The following GSDME variants were observed in gnomAD, a reference collection of about 807,000 sequenced individuals.
The protein encoded by GSDME is gasdermin E, also known as gasdermin-E.
Under a neutral mutation model 47.5 loss-of-function variants are expected in GSDME, and 44 were observed. The observed-to-expected ratio is 0.93, with a 90% CI of 0.73 to 1.19. GSDME has a LOEUF of 1.19. Ranked by LOEUF, GSDME falls within the 50% of genes most tolerant of loss-of-function variation. The probability of loss-of-function intolerance (pLI) is 0.00; values close to 1 mark genes in which losing one functional copy is unlikely to be tolerated. For missense variants in GSDME, 663 were observed against 604.2 expected, an observed-to-expected ratio of 1.10 and a Z score of -1.02; for synonymous variants, 258 against 252.8, an observed-to-expected ratio of 1.02 and a Z score of -0.20.
Position 24,713,000 on chromosome 7 carries a change from A to G in GSDME, c.698-2612T>C, listed in dbSNP as rs1789413848. Among the ~76,000 whole-genome samples, 6 of 151,424 alleles carry G rather than the reference A, an allele frequency of 4.0e-5. No individual in the cohort carries two copies. The highest frequency in any genetic ancestry group is 1.5e-4 in the African/African-American group (6 of 41,170). The stretch of plus-strand genomic sequence containing the variant: ...ACCATTGTACTCCAGCCTGGGCAAC[A>G]AGAGTGAAACTCAGTCTCAAAAAAA... On this transcript the variant is annotated intron_variant, in intron 5 of 9. Transcript: ENST00000645220. This position sits in a 1 kb window ranked among gnomAD's most constrained non-coding sequence, Gnocchi z 4.4.
chr7:24,760,051 A>G (rs1791144220), upstream of GSDME, among the ~76,000 whole-genome samples: 1 of 152,230 alleles, frequency 6.6e-6, no homozygotes, highest in African/African-American at 2.4e-5. The surrounding 1 kb of genome is among the most constrained non-coding windows in gnomAD (Gnocchi z 4.2). Flanking sequence ...ATGGAGGGCT[A>G]TGGAAAGAAA....
chr7:24,705,366 C>T lies in GSDME; in HGVS notation c.1183+818G>A, dbSNP rs1427147866. 6.6e-6 allele frequency: 1 copy of T among 152,456 alleles called. No homozygotes were observed. The allele number at this position is 152,456 out of a possible 1,614,324, so 9.4% of individuals were successfully genotyped here. On this transcript the variant is annotated intron_variant, in intron 8 of 9. Coordinates refer to ENST00000645220, the MANE Select transcript of GSDME (RefSeq NM_001127453.2). This position sits in a 1 kb window ranked among gnomAD's most constrained non-coding sequence, Gnocchi z 4.1. Reference sequence around the variant, plus strand: ...AGCACATAGAGTTGGGACAGGCATTCTCTCAGATTAATTCTTTAAAAACTG... The same window carrying T: ...AGCACATAGAGTTGGGACAGGCATTTTCTCAGATTAATTCTTTAAAAACTG...
chr7:24,717,087 C>T, intron 5 of GSDME, 167 bp downstream of exon 5: 1 of 720,934 alleles, frequency 1.4e-6, no homozygotes, highest in Non-Finnish European at 2.3e-6. Flanking sequence ...CCAGTGCAGC[C>T]CATGTGTCCA....
intron 3 of GSDME, among the ~76,000 whole-genome samples, chr7:24,720,111 G>A (rs1312429923): frequency 3.3e-5 from 5 of 152,206 alleles, no homozygotes; most frequent in Non-Finnish European, 5.9e-5. Context: ...GGAAACTGAG[G>A]CTGGTTATGC....
At position 24,728,329 on chromosome 7, in the gene GSDME, T is replaced by A. The variant is rs1289247961; in HGVS notation, c.405-9111A>T. 2.6e-5 allele frequency among the ~76,000 whole-genome samples: 4 copies of A among 152,216 alleles called. No individual in the cohort carries two copies. The highest frequency in any genetic ancestry group is 9.7e-5 in the African/African-American group (4 of 41,448). ...GGCCCACAGAGCCACCGAACTGACCTTCTGCCGTTAACCATTCAGTCAACC... is the reference window on the plus strand; with the variant it reads ...GGCCCACAGAGCCACCGAACTGACCATCTGCCGTTAACCATTCAGTCAACC... On this transcript the variant is annotated intron_variant, in intron 3 of 9. Transcript: ENST00000645220. This position sits in a 1 kb window ranked among gnomAD's most constrained non-coding sequence, Gnocchi z 7.2.
intron 3 of GSDME, among the ~76,000 whole-genome samples, chr7:24,738,817 G>C (rs1790392390): frequency 1.3e-5 from 2 of 152,126 alleles, no homozygotes; most frequent in Admixed American, 6.6e-5. Flanking sequence ...GGAGAATCCG[G>C]AAACAAATCC....
chr7:24,719,163 C>T lies in GSDME; in HGVS notation c.460G>A (p.Val154Ile). 1 of 1,613,860 alleles carries T rather than the reference C, an allele frequency of 6.2e-7. No homozygotes were observed. Among genetic ancestry groups the T allele is most frequent in the South Asian group, 1.1e-5 (1 of 91,086 alleles). ...LQQVLEGRNE[V>I]LCVLTQKITT... ...ATCTTCTGTGTCAAAACGCACAGGA[C>T]CTCATTCCTTCCTTCCAGCACCTGC... Residue 154 changes from valine to isoleucine, a missense_variant, in exon 4 of 10, where the codon GTC becomes ATC. Val to Ile is a conservative substitution (Grantham distance 29). Coordinates refer to ENST00000645220, the MANE Select transcript of GSDME (RefSeq NM_001127453.2).
At position 24,710,298 on chromosome 7, in the gene GSDME, A is replaced by G. The variant is rs753892318; in HGVS notation, c.788T>C (p.Phe263Ser). The G allele has an allele frequency of 3.7e-6, 6 of 1,614,256 alleles. No individual in the cohort carries two copies. Among genetic ancestry groups the G allele is most frequent in the South Asian group, 3.3e-5 (3 of 91,086 alleles). ...VYLDPLVFRE[F>S]AFIDMPDAAH... ...AGCATCTGGCATGTCTATGAATGCA[A>G]ACTCTCGAAAGACCAGGGGGTCCAG... Residue 263 changes from phenylalanine (F) to serine (S), a missense_variant, in exon 6 of 10, where the codon TTT (phenylalanine) becomes TCT (serine). By Grantham distance (155) the Phe-to-Ser change is radical. Transcript: ENST00000645220.
intron 7 of GSDME, chr7:24,707,677 G>A (rs895229725): frequency 1.6e-5 from 5 of 313,760 alleles, no homozygotes; most frequent in Admixed American, 5.0e-5. Flanking sequence ...AGACAGTAAA[G>A]GAGAAGACAC....
In GSDME at chr7:24,706,253, GACACCCACCCTGT is replaced by G; in HGVS notation, c.1101_1113del (p.Leu367PhefsTer14). ...TTGCTGCCTGCATCCTCGGGGCCCGGACACCCACCCTGTAAGCTGCACCCCACCAGCTGCAGGA... is the reference window on the plus strand; with the variant it reads ...TTGCTGCCTGCATCCTCGGGGCCCGGAAGCTGCACCCCACCAGCTGCAGGA... On this transcript the variant is annotated frameshift_variant, in exon 8 of 10. Coordinates refer to ENST00000645220, the MANE Select transcript of GSDME (RefSeq NM_001127453.2). LOFTEE classifies it high-confidence loss of function. 6.2e-7 allele frequency: 1 copy of G among 1,614,200 alleles called. No individual in the cohort carries two copies. Among genetic ancestry groups the G allele is most frequent in the Non-Finnish European group, 8.5e-7 (1 of 1,180,036 alleles).
chr7:24,761,474 T>C (rs1452979943), upstream of GSDME, among the ~76,000 whole-genome samples: 1 of 152,230 alleles, frequency 6.6e-6, no homozygotes, highest in African/African-American at 2.4e-5. The surrounding 1 kb of genome is among the most constrained non-coding windows in gnomAD (Gnocchi z 4.4). Context: ...AACAAGTCCC[T>C]AAGTCTCTTA....
intron 5 of GSDME, 101 bp downstream of exon 5, chr7:24,717,153 C>T: frequency 8.7e-7 from 1 of 1,146,096 alleles, no homozygotes; most frequent in Non-Finnish European, 1.2e-6. Context: ...TCTCTTCCCA[C>T]AGTCTCCAAA....
rs542961877 is a variant in GSDME at position 24,718,960 on chromosome 7, C to T, written c.576+87G>A. The T allele has an allele frequency of 6.8e-5, 98 of 1,443,318 alleles. 2 individuals carry two copies. The South Asian group carries it at 1.1e-3, about 16-fold the overall frequency. 89.4% of individuals were successfully genotyped at this position (1,443,318 alleles called of 1,614,324 possible). On this transcript the variant is annotated intron_variant, in intron 4 of 9. Coordinates refer to ENST00000645220, the MANE Select transcript of GSDME (RefSeq NM_001127453.2). Reference sequence around the variant, plus strand: ...TAACTTGCTACGGAAAGAGTCCTGACTAATGAAGACACCACCCAAAGAGGC... The same window carrying T: ...TAACTTGCTACGGAAAGAGTCCTGATTAATGAAGACACCACCCAAAGAGGC...
chr7:24,774,678 G>T, the GSDME span, among the ~76,000 whole-genome samples: 5 of 152,048 alleles, frequency 3.3e-5, no homozygotes, highest in East Asian at 9.7e-4. Flanking sequence ...GATTACAGGC[G>T]CATGCCACCA....
chr7:24,699,525 A>AGAT (rs1304460665), intron 9 of GSDME, among the ~76,000 whole-genome samples: 1 of 152,124 alleles, frequency 6.6e-6, no homozygotes, highest in African/African-American at 2.4e-5. Context: ...TTTTTAGTAG[A>AGAT]GATGGGGTTT....
upstream of GSDME, among the ~76,000 whole-genome samples, chr7:24,761,129 G>T (rs113108197): frequency 7.3e-3 from 1,118 of 152,302 alleles, 9 homozygotes; most frequent in African/African-American, 0.025. The surrounding 1 kb of genome is among the most constrained non-coding windows in gnomAD (Gnocchi z 4.4). Flanking sequence ...TGTAGGTTAG[G>T]GCTTTGAGCA....
At chr7:24,793,621 C>A in the GSDME span, among the ~76,000 whole-genome samples, 1 of 152,074 alleles carries the variant, frequency 6.6e-6, no homozygotes, top group South Asian at 2.1e-4. Flanking sequence ...TTTTATAACA[C>A]ACATTTTTTT....
intron 4 of GSDME, among the ~76,000 whole-genome samples, chr7:24,717,758 A>G (rs1182890585): frequency 6.6e-6 from 1 of 151,616 alleles, no homozygotes; most frequent in East Asian, 1.9e-4. Context: ...GGACTGGGAG[A>G]ACCTAGCTGA....
the GSDME span, among the ~76,000 whole-genome samples, chr7:24,790,147 C>G: frequency 6.6e-6 from 1 of 152,220 alleles, no homozygotes; most frequent in Non-Finnish European, 1.5e-5. The surrounding 1 kb of genome is among the most constrained non-coding windows in gnomAD (Gnocchi z 4.1). Context: ...CCTCCCCCAG[C>G]TGCTAGCAAG....
Sources: allele counts gnomAD v4.1 joint callset (sites outside exome capture counted in the v4.1 genomes callset), GRCh38; gene constraint gnomAD v4.1.1; non-coding constraint Gnocchi (gnomAD v3.1); transcripts MANE v1.5; gene names NCBI Gene and HGNC (gene_info 2026-07-23, HGNC 2026-07-21).